The following ADCY2 variants were observed in gnomAD, a reference collection of about 807,000 sequenced individuals.
The protein encoded by ADCY2 is adenylate cyclase 2.
A neutral mutation model predicts 125.2 loss-of-function variants in ADCY2; 31 were observed. That is an observed-to-expected ratio of 0.25 (90% CI 0.19 to 0.33). ADCY2 has a LOEUF of 0.33. Among genes scored for constraint, ADCY2 ranks in the 10% least tolerant of loss-of-function variants. The pLI, the probability that ADCY2 is intolerant of heterozygous loss-of-function variation, is 1.00. For synonymous variants in ADCY2, 512 were observed against 548.4 expected, an observed-to-expected ratio of 0.93 and a Z score of 0.93; for missense variants, 904 against 1,418.2, an observed-to-expected ratio of 0.64 and a Z score of 5.82.
chr5:7,525,346 T>G (rs1460223610), intron 3 of ADCY2, among the ~76,000 whole-genome samples: 1 of 152,142 alleles, frequency 6.6e-6, no homozygotes, highest in Non-Finnish European at 1.5e-5. Flanking sequence ...TGTCTCTGGT[T>G]TGTGCAGTGG....
At chr5:7,449,225 C>T (rs968705229) in intron 2 of ADCY2, among the ~76,000 whole-genome samples, 2 of 152,272 alleles carry the variant, frequency 1.3e-5, no homozygotes, top group South Asian at 2.1e-4. Flanking sequence ...TCTCTAATGA[C>T]TGCTATCTTC....
intron 22 of ADCY2, among the ~76,000 whole-genome samples, chr5:7,805,851 A>G (rs1224055687): frequency 6.6e-6 from 1 of 152,054 alleles, no homozygotes; most frequent in Non-Finnish European, 1.5e-5. Context: ...TCAAGATGGA[A>G]CCCTAGCATT....
intron 4 of ADCY2, among the ~76,000 whole-genome samples, chr5:7,657,072 T>G (rs1190478044): frequency 3.9e-5 from 6 of 152,216 alleles, no homozygotes; most frequent in African/African-American, 1.4e-4. Flanking sequence ...AAGATGTATA[T>G]GCAAAAGTGG....
chr5:7,527,071 A>G (rs552963041), intron 3 of ADCY2, among the ~76,000 whole-genome samples: 1 of 152,348 alleles, frequency 6.6e-6, no homozygotes, highest in African/African-American at 2.4e-5. Context: ...TTACCATCAT[A>G]TCAAGGCAAA....
intron 18 of ADCY2, among the ~76,000 whole-genome samples, chr5:7,776,993 C>T (rs1422236726): frequency 2.0e-5 from 3 of 151,966 alleles, no homozygotes; most frequent in Admixed American, 6.6e-5. Flanking sequence ...GCTTTGCAGA[C>T]GGCCTGTCAT....
At chr5:7,644,224 T>C (rs1203330682) in intron 4 of ADCY2, among the ~76,000 whole-genome samples, 1 of 152,102 alleles carries the variant, frequency 6.6e-6, no homozygotes, top group Non-Finnish European at 1.5e-5. Flanking sequence ...CCATCTAAAT[T>C]CACCGTTCAA....
intron 3 of ADCY2, among the ~76,000 whole-genome samples, chr5:7,521,639 C>A (rs577964028): frequency 6.6e-6 from 1 of 152,176 alleles, no homozygotes; most frequent in Non-Finnish European, 1.5e-5. Context: ...GCAGTTGTGA[C>A]AACACTGTGC....
intron 4 of ADCY2, among the ~76,000 whole-genome samples, chr5:7,680,059 A>G (rs1399606990): frequency 1.3e-5 from 2 of 152,158 alleles, no homozygotes; most frequent in African/African-American, 4.8e-5. Flanking sequence ...AACAGAGGTA[A>G]ATGAAGGGGA....
At chr5:7,783,084 C>T (rs1181375865) in intron 18 of ADCY2, among the ~76,000 whole-genome samples, 1 of 152,168 alleles carries the variant, frequency 6.6e-6, no homozygotes, top group Non-Finnish European at 1.5e-5. Flanking sequence ...AGCCCATAAG[C>T]CACTGGGACC....
chr5:7,422,845 C>T (rs776415433), intron 2 of ADCY2, among the ~76,000 whole-genome samples: 22 of 152,122 alleles, frequency 1.4e-4, no homozygotes, highest in Non-Finnish European at 2.6e-4. Context: ...AAATAAAGGC[C>T]TCTCTTAGCC....
chr5:7,757,469 T>TC lies in ADCY2; in HGVS notation c.1981dup (p.Leu661ProfsTer43). 1 of 1,613,984 alleles carries TC rather than the reference T, an allele frequency of 6.2e-7. No homozygotes were observed. The highest frequency in any genetic ancestry group is 8.5e-7 in the Non-Finnish European group (1 of 1,179,954). ...CCTAGCAATGCAGCAAAAAAGCCTC[T>TC]CCCCTGCTCATGTGGCTTTTGAAGT... On this transcript the variant is annotated frameshift_variant, in exon 16 of 25. Coordinates refer to ENST00000338316, the MANE Select transcript of ADCY2 (RefSeq NM_020546.3). LOFTEE classifies it high-confidence loss of function.
chr5:7,784,748 G>C (rs1312777883), intron 19 of ADCY2, among the ~76,000 whole-genome samples: 1 of 149,918 alleles, frequency 6.7e-6, no homozygotes, highest in Non-Finnish European at 1.5e-5. Context: ...CTACAAAAGT[G>C]TTCCTTCAAT....
intron 14 of ADCY2, among the ~76,000 whole-genome samples, chr5:7,737,843 G>T (rs1167032877): frequency 6.6e-6 from 1 of 152,126 alleles, no homozygotes; most frequent in African/African-American, 2.4e-5. Context: ...AGAATAAATG[G>T]CTGCCTTCTT....
In ADCY2 at chr5:7,433,423, T is replaced by C. The variant is rs562998199; in HGVS notation, c.408+18653T>C. ...AAAAACCATACATGGTTTGTGTGTG[T>C]GTGTGTGCACACACACATACAATGC... On this transcript the variant is annotated intron_variant, in intron 2 of 24. Transcript: ENST00000338316. Among the ~76,000 whole-genome samples, 11 of 152,292 alleles carry C rather than the reference T, an allele frequency of 7.2e-5. No individual in the cohort carries two copies. The East Asian group carries it at 1.9e-3, about 27-fold the overall frequency.
chr5:7,414,811 G>T (rs1356224095), intron 2 of ADCY2, 41 bp downstream of exon 2: 1 of 1,533,166 alleles, frequency 6.5e-7, no homozygotes, highest in South Asian at 1.2e-5. Context: ...TTTATGTCTT[G>T]ATTTGTGACA....
Position 7,826,976 on chromosome 5 carries a change from C to CT in ADCY2, c.*106dup. 1 of 1,376,594 alleles carries CT rather than the reference C, an allele frequency of 7.3e-7. No individual in the cohort carries two copies. The highest frequency in any genetic ancestry group is 9.9e-7 in the Non-Finnish European group (1 of 1,014,034). The allele number at this position is 1,376,594 out of a possible 1,614,324, so 85.3% of individuals were successfully genotyped here. On this transcript the variant is annotated 3_prime_UTR_variant, in exon 25 of 25. Coordinates refer to ENST00000338316, the MANE Select transcript of ADCY2 (RefSeq NM_020546.3). ...GTTTTTGATGTGCGTGCTGTCTGTC[C>CT]TATGGAGCCTCTGCAGACTCGTTCT...
At chr5:7,640,294 C>T (rs1738654452) in intron 4 of ADCY2, among the ~76,000 whole-genome samples, 1 of 152,240 alleles carries the variant, frequency 6.6e-6, no homozygotes, top group South Asian at 2.1e-4. Flanking sequence ...AGGCAAATGT[C>T]AAACCAGATT....
In ADCY2 at chr5:7,709,115, C is replaced by G. The variant is rs1449966120; in HGVS notation, c.1402-96C>G. 1 of 1,253,476 alleles carries G rather than the reference C, an allele frequency of 8.0e-7. No homozygotes were observed. The highest frequency in any genetic ancestry group is 1.5e-5 in the African/African-American group (1 of 65,152). 77.6% of individuals were successfully genotyped at this position (1,253,476 alleles called of 1,614,324 possible). On this transcript the variant is annotated intron_variant, in intron 9 of 24. Coordinates refer to ENST00000338316, the MANE Select transcript of ADCY2 (RefSeq NM_020546.3). This position sits in a 1 kb window ranked among gnomAD's most constrained non-coding sequence, Gnocchi z 4.4. Reference sequence around the variant, plus strand: ...ACACAGAGGGCGAATAGAGGGCTGTCAGGAGGAATGACCCTAGTCCAATGA... The same window carrying G: ...ACACAGAGGGCGAATAGAGGGCTGTGAGGAGGAATGACCCTAGTCCAATGA...
At chr5:7,659,585 C>G (rs1739455945) in intron 4 of ADCY2, among the ~76,000 whole-genome samples, 1 of 152,182 alleles carries the variant, frequency 6.6e-6, no homozygotes, top group Admixed American at 6.5e-5. Context: ...AGTTAGTCCT[C>G]TTATGTCCAT....
Sources: allele counts gnomAD v4.1 joint callset (sites outside exome capture counted in the v4.1 genomes callset), GRCh38; gene constraint gnomAD v4.1.1; non-coding constraint Gnocchi (gnomAD v3.1); transcripts MANE v1.5; gene names NCBI Gene and HGNC (gene_info 2026-07-23, HGNC 2026-07-21).